The following LRRFIP2 variants were observed in gnomAD, a reference collection of about 807,000 sequenced individuals.
The protein encoded by LRRFIP2 is LRR binding FLII interacting protein 2, also known as leucine-rich repeat flightless-interacting protein 2.
In LRRFIP2, 109 loss-of-function variants were observed where a neutral mutation model predicts 125.9. That is an observed-to-expected ratio of 0.87 (90% confidence interval 0.74 to 1.01). The LOEUF (loss-of-function observed/expected upper bound fraction) is 1.01. LRRFIP2 is among the 50% of genes least tolerant of loss of function. LRRFIP2 has a pLI of 0.00. For missense variants in LRRFIP2, 850 were observed against 862.3 expected, an observed-to-expected ratio of 0.99 and a Z score of 0.18; for synonymous variants, 291 against 293.1, an observed-to-expected ratio of 0.99 and a Z score of 0.07.
chr3:37,054,395 A>C lies in LRRFIP2; in HGVS notation c.2055+16T>G. The C allele has an allele frequency of 1.3e-6, 2 of 1,579,172 alleles. No homozygotes were observed. The highest frequency in any genetic ancestry group is 1.7e-6 in the Non-Finnish European group (2 of 1,150,256). On this transcript the variant is annotated intron_variant, in intron 27 of 27. Transcript: ENST00000336686. ...TTTAGGAATGTATTCTCCAAGAAAC[A>C]TATTAAAAGAAGTACCTCTCGTTGT...
At chr3:37,174,916 T>C (rs916855076), upstream of LRRFIP2, 1 of 152,220 alleles carries the variant, frequency 6.6e-6, no homozygotes, top group Non-Finnish European at 1.5e-5. Flanking sequence ...GAAATTCTTA[T>C]TCTACATATT....
chr3:37,098,638 C>G (rs930109300), intron 15 of LRRFIP2, among the ~76,000 whole-genome samples: 1 of 151,952 alleles, frequency 6.6e-6, no homozygotes, highest in African/African-American at 2.4e-5. Flanking sequence ...AGTGATCCGC[C>G]CACCTCAGCC....
intron 12 of LRRFIP2, 60 bp downstream of exon 12, chr3:37,108,577 A>C (rs977567494): frequency 1.5e-5 from 21 of 1,384,542 alleles, no homozygotes; most frequent in Middle Eastern, 3.7e-4. Flanking sequence ...TTTCTTTGAA[A>C]GTAAACTGTG....
intron 2 of LRRFIP2, among the ~76,000 whole-genome samples, chr3:37,139,327 AAAC>A (rs1246944732): frequency 1.3e-5 from 2 of 152,230 alleles, no homozygotes; most frequent in Admixed American, 6.5e-5. Flanking sequence ...CCTATTTAAA[AAAC>A]AACAACAAAA....
intron 2 of LRRFIP2, among the ~76,000 whole-genome samples, chr3:37,141,404 T>C (rs1461346043): frequency 6.6e-6 from 1 of 152,240 alleles, no homozygotes; most frequent in African/African-American, 2.4e-5. Context: ...TATACTGAAC[T>C]ACTTACTATT....
rs1239371303 is a variant in LRRFIP2 at position 37,058,929 on chromosome 3, T to C, written c.1750-19A>G. The stretch of plus-strand genomic sequence containing the variant: ...TTCTAATCTGAAATGAAAATAAAGG[T>C]TCATCAGCAAGATCCAATCTCTCAA... On this transcript the variant is annotated intron_variant, in intron 24 of 27. Transcript: ENST00000336686. The C allele has an allele frequency of 3.1e-6, 5 of 1,612,980 alleles. No individual in the cohort carries two copies. In the East Asian group the frequency reaches 6.7e-5, roughly 22 times the overall value.
chr3:37,066,012 G>A, intron 22 of LRRFIP2, 70 bp from the exon 23 acceptor site: 1 of 1,585,950 alleles, frequency 6.3e-7, no homozygotes, highest in East Asian at 2.2e-5. Flanking sequence ...AGGTCACTCT[G>A]CAACAATACA....
chr3:37,085,467 G>C (rs1383967516), intron 18 of LRRFIP2, among the ~76,000 whole-genome samples: 2 of 151,660 alleles, frequency 1.3e-5, no homozygotes, highest in Admixed American at 1.3e-4. Context: ...GTTGCAGTGA[G>C]CCAAGATCAT....
rs553779891 is a variant in LRRFIP2 at position 37,099,905 on chromosome 3, T to C, written c.873+3019A>G. ...AGTACACAACGAGGTAACCAGAAAA[T>C]GTCTTTTAAAATTCTGAATTCGTTG... On this transcript the variant is annotated intron_variant, in intron 15 of 27. Coordinates refer to ENST00000336686, the MANE Select transcript of LRRFIP2 (RefSeq NM_006309.4). 1.1e-4 allele frequency among the ~76,000 whole-genome samples: 17 copies of C among 152,224 alleles called. No homozygotes were observed. In the South Asian group the frequency reaches 3.1e-3, roughly 28 times the overall value.
chr3:37,119,715 C>T (rs913230781), intron 6 of LRRFIP2, among the ~76,000 whole-genome samples: 3 of 152,150 alleles, frequency 2.0e-5, no homozygotes, highest in Non-Finnish European at 2.9e-5. Context: ...GGCTGGAGTG[C>T]GGTGGCACGA....
chr3:37,112,448 T>G (rs1390860438), intron 8 of LRRFIP2, among the ~76,000 whole-genome samples: 1 of 152,148 alleles, frequency 6.6e-6, no homozygotes, highest in Non-Finnish European at 1.5e-5. Context: ...ACATTATAGG[T>G]TAAAGAGTTT....
At chr3:37,094,489 G>T (rs1225109749) in intron 17 of LRRFIP2, among the ~76,000 whole-genome samples, 1 of 152,038 alleles carries the variant, frequency 6.6e-6, no homozygotes, top group African/African-American at 2.4e-5. Flanking sequence ...TTTAAAACAT[G>T]GCCAGTTGTT....
At chr3:37,141,648 G>A (rs1385942233) in intron 2 of LRRFIP2, among the ~76,000 whole-genome samples, 3 of 152,136 alleles carry the variant, frequency 2.0e-5, no homozygotes, top group Admixed American at 2.0e-4. Flanking sequence ...GTGTTAATCT[G>A]GCCAAGTATG....
At chr3:37,083,850 T>C (rs754946222) in intron 18 of LRRFIP2, 44 bp from the exon 19 acceptor site, 35 of 1,418,204 alleles carry the variant, frequency 2.5e-5, no homozygotes, top group Non-Finnish European at 3.0e-5. Context: ...AAAATGTTAA[T>C]TGAATACATG....
At position 37,060,372 on chromosome 3, in the gene LRRFIP2, G is replaced by A. The variant is rs1019535880; in HGVS notation, c.1750-1462C>T. On this transcript the variant is annotated intron_variant, in intron 24 of 27. Transcript: ENST00000336686. This position sits in a 1 kb window ranked among gnomAD's most constrained non-coding sequence, Gnocchi z 4.1. ...GGCCCAGACTGGAGTGCAGTGGCATGATCTCAGCTCACTGCAACCTCCGCC... is the reference window on the plus strand; with the variant it reads ...GGCCCAGACTGGAGTGCAGTGGCATAATCTCAGCTCACTGCAACCTCCGCC... Among the ~76,000 whole-genome samples, 4 of 152,128 alleles carry A rather than the reference G, an allele frequency of 2.6e-5. No individual in the cohort carries two copies. Among genetic ancestry groups the A allele is most frequent in the Admixed American group, 1.3e-4 (2 of 15,272 alleles).
chr3:37,172,701 T>G (rs939260305), intron 1 of LRRFIP2: 2 of 152,152 alleles, frequency 1.3e-5, no homozygotes, highest in South Asian at 4.1e-4. Context: ...CATACATATG[T>G]TCCCTATGAA....
chr3:37,063,667 A>C (rs2089388600), intron 24 of LRRFIP2, 75 bp downstream of exon 24: 4 of 1,068,052 alleles, frequency 3.7e-6, no homozygotes, highest in Middle Eastern at 4.1e-4. Context: ...TTTTTTAATG[A>C]ACATTTCAAT....
At chr3:37,066,851 C>A (rs576484401) in intron 21 of LRRFIP2, 33 of 153,346 alleles carry the variant, frequency 2.2e-4, no homozygotes, top group Non-Finnish European at 3.6e-4. Context: ...AGTAGTGTGG[C>A]AAAATACTCA....
intron 17 of LRRFIP2, among the ~76,000 whole-genome samples, chr3:37,091,748 A>C (rs1183173251): frequency 6.6e-6 from 1 of 152,238 alleles, no homozygotes; most frequent in Non-Finnish European, 1.5e-5. Context: ...TAGAGTAATC[A>C]ATCTAATGTT....
Sources: allele counts gnomAD v4.1 joint callset (sites outside exome capture counted in the v4.1 genomes callset), GRCh38; gene constraint gnomAD v4.1.1; non-coding constraint Gnocchi (gnomAD v3.1); transcripts MANE v1.5; gene names NCBI Gene and HGNC (gene_info 2026-07-23, HGNC 2026-07-21).